Variants in SLC22A23 observed in about 807,000 individuals in gnomAD.
SLC22A23 encodes ion transporter protein.
In SLC22A23, 26 loss-of-function variants were observed where a neutral mutation model predicts 61.0. The observed-to-expected ratio is 0.43, with a 90% CI of 0.31 to 0.59. The LOEUF (loss-of-function observed/expected upper bound fraction) is 0.59. Ranked by LOEUF, SLC22A23 falls within the 20% of genes least tolerant of loss-of-function variation. SLC22A23 has a pLI of 0.11. For synonymous variants in SLC22A23, 430 were observed against 413.9 expected (o/e 1.04, Z -0.47); for missense variants, 796 against 934.7 (o/e 0.85, Z 1.94).
chr6:3,388,744 A>G (rs575170658), intron 3 of SLC22A23, among the ~76,000 whole-genome samples: 1 of 152,338 alleles, frequency 6.6e-6, no homozygotes, highest in South Asian at 2.1e-4. Flanking sequence ...CTTGAGAAGG[A>G]AGAAAATCTT....
intron 3 of SLC22A23, among the ~76,000 whole-genome samples, chr6:3,404,900 C>T (rs1349179600): frequency 6.6e-6 from 1 of 151,952 alleles, no homozygotes; most frequent in Non-Finnish European, 1.5e-5. Flanking sequence ...TCAATCTGCT[C>T]CGATTTCCCT....
At chr6:3,323,594 A>AT (rs1192817146) in intron 4 of SLC22A23, 1 of 578,154 alleles carries the variant, frequency 1.7e-6, no homozygotes, top group Non-Finnish European at 3.0e-6. Flanking sequence ...GCATTTGCAG[A>AT]TTTTTGGAGC....
At chr6:3,332,118 A>T (rs1435350831) in intron 3 of SLC22A23, among the ~76,000 whole-genome samples, 1 of 152,242 alleles carries the variant, frequency 6.6e-6, no homozygotes, top group East Asian at 1.9e-4. Context: ...GCATGTGGCC[A>T]AACAGCCGAG....
intron 3 of SLC22A23, among the ~76,000 whole-genome samples, chr6:3,385,762 C>A (rs971375996): frequency 2.0e-5 from 3 of 152,174 alleles, no homozygotes; most frequent in African/African-American, 7.2e-5. Flanking sequence ...CCAGGGCTGC[C>A]CACAAACACA....
rs74809196 is a variant in SLC22A23, at chr6:3,361,155, C to A, written c.914-37153G>T. ...GATCAGGGTTTCTCCCCCAAAGGAG[C>A]CTGCAGCAGTGTCACACAGAACACA... On this transcript the variant is annotated intron_variant, in intron 3 of 9. Coordinates refer to ENST00000406686, the MANE Select transcript of SLC22A23 (RefSeq NM_015482.2). Among the ~76,000 whole-genome samples, 1,469 of 151,114 alleles carry A rather than the reference C, an allele frequency of 9.7e-3. 16 individuals are homozygous for A. The highest frequency in any genetic ancestry group is 0.017 in the Non-Finnish European group (1,171 of 67,878).
In SLC22A23 at chr6:3,308,678, C is replaced by A; in HGVS notation, c.1083-10460G>T. On this transcript the variant is annotated intron_variant, in intron 4 of 9. Transcript: ENST00000406686. This position sits in a 1 kb window ranked among gnomAD's most constrained non-coding sequence, Gnocchi z 5.1. ...CCACAGCATGGGCCGGGTGTGGTGG[C>A]TCACACCTGTAATCCCAGTACTTTG... Among the ~76,000 whole-genome samples, 1 of 152,208 alleles carries A rather than the reference C, an allele frequency of 6.6e-6. No individual in the cohort carries two copies. The highest frequency in any genetic ancestry group is 1.9e-4 in the East Asian group (1 of 5,196).
At chr6:3,438,430 C>A (rs1561982938) in intron 1 of SLC22A23, 3 of 439,636 alleles carry the variant, frequency 6.8e-6, no homozygotes, top group East Asian at 7.0e-5. Context: ...GCTGCCTGGG[C>A]CCCTGGCGGG....
rs184667416 is a variant in SLC22A23, at chr6:3,330,211, C to T, written c.914-6209G>A. ...CCAATAGACTAGAAGCCCATTTCCA[C>T]CAGCAGCGGGAAAATGTGGAAAGGA... On this transcript the variant is annotated intron_variant, in intron 3 of 9. Transcript: ENST00000406686. The surrounding 1 kb of genome is among the most constrained non-coding windows in gnomAD (Gnocchi z 4.7). Among the ~76,000 whole-genome samples the T allele has an allele frequency of 6.6e-6, 1 of 152,344 alleles. No individual in the cohort carries two copies. The highest frequency in any genetic ancestry group is 6.5e-5 in the Admixed American group (1 of 15,304).
Position 3,333,560 on chromosome 6 carries a change from T to C in SLC22A23, c.914-9558A>G, listed in dbSNP as rs1763693904. 6.6e-6 allele frequency among the ~76,000 whole-genome samples: 1 copy of C among 152,136 alleles called. No homozygotes were observed. On this transcript the variant is annotated intron_variant, in intron 3 of 9. Coordinates refer to ENST00000406686, the MANE Select transcript of SLC22A23 (RefSeq NM_015482.2). This position sits in a 1 kb window ranked among gnomAD's most constrained non-coding sequence, Gnocchi z 4.1. ...TTCTGGGCTGTGCACTCCCCGTCTG[T>C]CCTCCCCAGGGAGTTGCATATCTCC...
intron 4 of SLC22A23, chr6:3,312,357 C>T (rs1391469796): frequency 2.0e-5 from 3 of 152,050 alleles, no homozygotes; most frequent in East Asian, 1.9e-4. Context: ...ACAGAGCCTT[C>T]GAAATACAAC....
chr6:3,294,639 ACTC>A (rs1760914807), intron 5 of SLC22A23, among the ~76,000 whole-genome samples: 1 of 152,024 alleles, frequency 6.6e-6, no homozygotes, highest in South Asian at 2.1e-4. Context: ...CGGGCCTTCT[ACTC>A]CTGCTTTAAA....
In SLC22A23 at chr6:3,410,264, A is replaced by C; in HGVS notation, c.837T>G (p.Asn279Lys). Residue 279 changes from asparagine to lysine, a missense_variant, in exon 3 of 10, where the codon AAT becomes AAG. Transcript: ENST00000406686. The surrounding 1 kb of genome is among the most constrained non-coding windows in gnomAD (Gnocchi z 5.0). Reference protein sequence around the residue: ...IFGLTVALSVNVTMFSTLRFF... With the variant: ...IFGLTVALSVKVTMFSTLRFF... Reference sequence around the variant, plus strand: ...ACCTGAGTGTGCTGAACATTGTCACATTCACTGACAGTGCCACAGTCAGTC... The same window carrying C: ...ACCTGAGTGTGCTGAACATTGTCACCTTCACTGACAGTGCCACAGTCAGTC... 1 of 1,614,054 alleles carries C rather than the reference A, an allele frequency of 6.2e-7. No homozygotes were observed.
intron 3 of SLC22A23, among the ~76,000 whole-genome samples, chr6:3,381,319 C>T (rs1210333075): frequency 6.8e-6 from 1 of 146,780 alleles, no homozygotes; most frequent in African/African-American, 2.5e-5. Context: ...CACTGTAGTA[C>T]AGTGGGGGCT....
At position 3,455,909 on chromosome 6, in the gene SLC22A23, G is replaced by A; in HGVS notation, c.651C>T (p.Ser217=). 6.7e-7 allele frequency: 1 copy of A among 1,499,100 alleles called. No homozygotes were observed. Among genetic ancestry groups the A allele is most frequent in the Non-Finnish European group, 9.0e-7 (1 of 1,116,738 alleles). 92.9% of individuals were successfully genotyped at this position (1,499,100 alleles called of 1,614,324 possible). The change falls in exon 1 of 10, where the codon AGC becomes AGT. Residue 217 remains serine, a synonymous_variant. Coordinates refer to ENST00000406686, the MANE Select transcript of SLC22A23 (RefSeq NM_015482.2). ...ACTGGGCGGCTGCGGCCCTTACCTTGCTGACCACGTTCTGGACGAGGCCGG... is the reference window on the plus strand; with the variant it reads ...ACTGGGCGGCTGCGGCCCTTACCTTACTGACCACGTTCTGGACGAGGCCGG... ...IRAGLVQNVV[S]KWDLVCDNAW... is the part of the protein sequence containing the mutation.
intron 1 of SLC22A23, among the ~76,000 whole-genome samples, chr6:3,437,404 G>A (rs777824443): frequency 5.0e-4 from 76 of 152,144 alleles, no homozygotes; most frequent in Admixed American, 3.3e-3. Flanking sequence ...TAGGCCAGGC[G>A]CGGTGGCTCA....
intron 1 of SLC22A23, among the ~76,000 whole-genome samples, chr6:3,418,273 TCCC>T (rs2127525999): frequency 6.6e-6 from 1 of 152,296 alleles, no homozygotes; most frequent in South Asian, 2.1e-4. Flanking sequence ...CTTTCATGTC[TCCC>T]CCAAGACTTC....
chr6:3,292,570 G>A (rs190637446), intron 5 of SLC22A23, among the ~76,000 whole-genome samples: 21 of 152,308 alleles, frequency 1.4e-4, no homozygotes, highest in Admixed American at 1.2e-3. Flanking sequence ...AACCCACGTC[G>A]AGCCGACTGA....
At chr6:3,444,703 C>T (rs576761914) in intron 1 of SLC22A23, 60 of 751,774 alleles carry the variant, frequency 8.0e-5, no homozygotes, top group South Asian at 2.4e-4. Flanking sequence ...CCCTGTGGCC[C>T]GGTGACCTGT....
In SLC22A23 at chr6:3,455,856, C is replaced by A. The variant is rs1386565281; in HGVS notation, c.654+50G>T. The A allele has an allele frequency of 4.8e-6, 7 of 1,455,300 alleles. No homozygotes were observed. The South Asian group carries it at 8.5e-5, about 18-fold the overall frequency. 90.1% of individuals were successfully genotyped at this position (1,455,300 alleles called of 1,614,324 possible). A position where few individuals can be genotyped will look rare whatever the true frequency, so the allele number is the denominator to read the frequency against. On this transcript the variant is annotated intron_variant, in intron 1 of 9. Transcript: ENST00000406686. ...TTCTCCCGCTGGCTCGGGCTTGGAC[C>A]TCGGTCTGCAGGGAGAGGGTTGGAG...
Sources: allele counts gnomAD v4.1 joint callset (sites outside exome capture counted in the v4.1 genomes callset), GRCh38; gene constraint gnomAD v4.1.1; non-coding constraint Gnocchi (gnomAD v3.1); transcripts MANE v1.5; gene names NCBI Gene and HGNC (gene_info 2026-07-23, HGNC 2026-07-21).